The following CCDC170 variants were observed in gnomAD, a reference collection of about 807,000 sequenced individuals.
CCDC170 encodes the protein coiled-coil domain containing 170.
CCDC170 carries 69 observed loss-of-function variants against 72.6 expected under a neutral mutation model. The ratio of observed to expected loss-of-function variants is 0.95; its 90% confidence interval spans 0.78 to 1.16. The LOEUF is 1.16. CCDC170 is among the 50% of genes most tolerant of loss of function. CCDC170 has a pLI of 0.00. For synonymous variants in CCDC170, 300 were observed against 303.9 expected, an observed-to-expected ratio of 0.99 and a Z score of 0.13; for missense variants, 852 against 832.5, an observed-to-expected ratio of 1.02 and a Z score of -0.29.
intron 3 of CCDC170, among the ~76,000 whole-genome samples, chr6:151,541,414 A>C (rs1251354753): frequency 2.6e-5 from 4 of 152,068 alleles, no homozygotes; most frequent in Admixed American, 6.6e-5. Context: ...TGGGGATCTC[A>C]CTATCTTGTC....
At chr6:151,595,962 C>A (rs1209661789) in intron 8 of CCDC170, among the ~76,000 whole-genome samples, 3 of 152,056 alleles carry the variant, frequency 2.0e-5, no homozygotes, top group Admixed American at 6.6e-5. Flanking sequence ...ATATTGTGGC[C>A]GTTAGATGTT....
intron 5 of CCDC170, among the ~76,000 whole-genome samples, chr6:151,561,181 C>T (rs989099327): frequency 3.3e-5 from 5 of 151,748 alleles, no homozygotes; most frequent in Non-Finnish European, 7.4e-5. Flanking sequence ...TGGGTATATC[C>T]ATCCCCTCAA....
chr6:151,506,619 C>T (rs1782070169), intron 1 of CCDC170, among the ~76,000 whole-genome samples: 1 of 152,158 alleles, frequency 6.6e-6, no homozygotes, highest in Non-Finnish European at 1.5e-5. Flanking sequence ...TTTTTGTAAC[C>T]TTGTGTAATG....
intron 1 of CCDC170, among the ~76,000 whole-genome samples, chr6:151,519,146 G>A (rs951706408): frequency 2.6e-5 from 4 of 152,262 alleles, no homozygotes; most frequent in Middle Eastern, 3.4e-3. Context: ...GGTACTGCAA[G>A]AGACCAGGGT....
Position 151,569,676 on chromosome 6 carries a change from T to C in CCDC170, c.775-3498T>C, listed in dbSNP as rs140158798. ...CTTCGGCGTATCCTTGAGGTAGCCA[T>C]GGAACCAGAATCCACTCTGATGGCT... On this transcript the variant is annotated intron_variant, in intron 5 of 10. Coordinates refer to ENST00000239374, the MANE Select transcript of CCDC170 (RefSeq NM_025059.4). Among the ~76,000 whole-genome samples the C allele has an allele frequency of 3.9e-5, 6 of 152,334 alleles. No individual in the cohort carries two copies. In the East Asian group the frequency reaches 1.2e-3, roughly 29 times the overall value.
At chr6:151,582,042 T>C (rs1776385175) in intron 6 of CCDC170, among the ~76,000 whole-genome samples, 1 of 152,204 alleles carries the variant, frequency 6.6e-6, no homozygotes, top group Admixed American at 6.5e-5. Context: ...TTCAGAATGG[T>C]AAATGAGCAC....
intron 9 of CCDC170, among the ~76,000 whole-genome samples, chr6:151,614,629 ATTTT>A (rs34242496): frequency 2.2e-5 from 3 of 135,114 alleles, no homozygotes; most frequent in Admixed American, 7.5e-5. Flanking sequence ...TAACTTTTGT[ATTTT>A]TTTTTTTTTT....
intron 5 of CCDC170, among the ~76,000 whole-genome samples, chr6:151,561,228 C>T (rs1419714557): frequency 6.6e-6 from 1 of 151,944 alleles, no homozygotes; most frequent in Non-Finnish European, 1.5e-5. Flanking sequence ...CAATTATACT[C>T]TTTTAGTTAT....
At position 151,538,258 on chromosome 6, in the gene CCDC170, C is replaced by G; in HGVS notation, c.400C>G (p.Gln134Glu). 2 of 1,613,616 alleles carry G rather than the reference C, an allele frequency of 1.2e-6. No individual in the cohort carries two copies. The highest frequency in any genetic ancestry group is 1.3e-5 in the African/African-American group (1 of 74,990). ...AGCTCACGCTGCAATCAAGGAGAAC[C>G]AGGAATTAAAGAAGAAAGTTGTAGA... is the stretch of plus-strand genomic sequence containing the variant. Reference protein sequence around the residue: ...ITAHAAIKENQELKKKVVELN... With the variant: ...ITAHAAIKENEELKKKVVELN... The change falls in exon 3 of 11, where the codon CAG (glutamine) becomes GAG (glutamate). Residue 134 changes from glutamine (Q) to glutamate (E), a missense_variant. By Grantham distance (29) the Gln-to-Glu change is conservative. Coordinates refer to ENST00000239374, the MANE Select transcript of CCDC170 (RefSeq NM_025059.4).
chr6:151,497,697 T>C (rs1387522309), intron 1 of CCDC170, among the ~76,000 whole-genome samples: 1 of 151,900 alleles, frequency 6.6e-6, no homozygotes, highest in East Asian at 2.0e-4. Context: ...GAAAATGTGC[T>C]GGGTGCGGTG....
intron 5 of CCDC170, among the ~76,000 whole-genome samples, chr6:151,557,350 A>C (rs926682175): frequency 6.6e-6 from 1 of 151,554 alleles, no homozygotes; most frequent in Non-Finnish European, 1.5e-5. Context: ...CGGAGGTTGC[A>C]GTGAGCCGAG....
chr6:151,568,637 T>G (rs1222263192), intron 5 of CCDC170, among the ~76,000 whole-genome samples: 1 of 152,222 alleles, frequency 6.6e-6, no homozygotes. Flanking sequence ...AGAGATATTC[T>G]TTTCATAAAG....
intron 7 of CCDC170, among the ~76,000 whole-genome samples, chr6:151,589,951 C>T (rs1776509294): frequency 6.6e-6 from 1 of 152,134 alleles, no homozygotes; most frequent in Non-Finnish European, 1.5e-5. Context: ...AGCCTAAAGA[C>T]ATCCATGCAG....
At chr6:151,548,108 T>C (rs1782806332) in intron 4 of CCDC170, among the ~76,000 whole-genome samples, 196 bp from the exon 5 acceptor site, 1 of 152,190 alleles carries the variant, frequency 6.6e-6, no homozygotes, top group Non-Finnish European at 1.5e-5. Context: ...GGCCACCTTT[T>C]GGATAATTTG....
intron 6 of CCDC170, among the ~76,000 whole-genome samples, chr6:151,574,092 A>T (rs1287876353): frequency 1.3e-5 from 2 of 152,226 alleles, no homozygotes; most frequent in Non-Finnish European, 2.9e-5. Context: ...ATAAAAATTA[A>T]GTCCCAGCTA....
chr6:151,593,885 A>T (rs1776581538), intron 8 of CCDC170, among the ~76,000 whole-genome samples: 1 of 152,240 alleles, frequency 6.6e-6, no homozygotes, highest in Admixed American at 6.5e-5. Flanking sequence ...TTGCAAATGT[A>T]GGCTTTACTC....
intron 1 of CCDC170, among the ~76,000 whole-genome samples, chr6:151,522,073 T>C (rs943891206): frequency 3.3e-5 from 5 of 150,210 alleles, no homozygotes; most frequent in African/African-American, 1.2e-4. Context: ...GGCAGGAGAA[T>C]CGCCTGAACC....
intron 9 of CCDC170, among the ~76,000 whole-genome samples, chr6:151,610,040 A>T (rs1171397902): frequency 6.6e-6 from 1 of 152,248 alleles, no homozygotes; most frequent in Non-Finnish European, 1.5e-5. Flanking sequence ...TATAAATACA[A>T]GGTTTAAAAT....
chr6:151,517,344 A>G (rs1005659045), intron 1 of CCDC170, among the ~76,000 whole-genome samples: 1 of 152,170 alleles, frequency 6.6e-6, no homozygotes, highest in African/African-American at 2.4e-5. Context: ...GTAAACAAAA[A>G]ACAAAAGAAA....
Sources: gnomAD v4.1 joint callset for allele counts (sites outside exome capture counted in the v4.1 genomes callset) on GRCh38, gnomAD v4.1.1 for gene constraint, MANE v1.5 for transcripts, NCBI Gene and HGNC (gene_info 2026-07-23, HGNC 2026-07-21) for gene names.